Variants in DNAH9 observed in about 807,000 individuals in gnomAD.
The protein encoded by DNAH9 is dynein axonemal heavy chain 9, also known as DNAH9 variant protein.
DNAH9 carries 345 observed loss-of-function variants against 471.6 expected under a neutral mutation model. That is an observed-to-expected ratio of 0.73 (90% CI 0.67 to 0.80). The LOEUF (loss-of-function observed/expected upper bound fraction) is 0.80. Among genes scored for constraint, DNAH9 ranks in the 30% least tolerant of loss-of-function variants. The probability of loss-of-function intolerance (pLI) is 0.00; values close to 1 mark genes in which losing one functional copy is unlikely to be tolerated. For synonymous variants in DNAH9, 2,093 were observed against 2,123.6 expected, an observed-to-expected ratio of 0.99 and a Z score of 0.40; for missense variants, 5,407 against 5,609.2, an observed-to-expected ratio of 0.96 and a Z score of 1.15.
At chr17:11,748,653 C>T (rs1967005593) in intron 32 of DNAH9, among the ~76,000 whole-genome samples, 1 of 152,132 alleles carries the variant, frequency 6.6e-6, no homozygotes, top group African/African-American at 2.4e-5. Context: ...TTCAGAGGCC[C>T]CCAACCCTGG....
intron 15 of DNAH9, among the ~76,000 whole-genome samples, chr17:11,668,261 G>A (rs2073908356): frequency 6.6e-6 from 1 of 152,228 alleles, no homozygotes; most frequent in Non-Finnish European, 1.5e-5. Context: ...TGTGGTTCAT[G>A]TCTGTACATC....
chr17:11,969,646 T>A lies in DNAH9; in HGVS notation c.*119T>A. The A allele has an allele frequency of 1.2e-6, 1 of 814,472 alleles. No homozygotes were observed. 50.5% of individuals were successfully genotyped at this position (814,472 alleles called of 1,614,324 possible). On this transcript the variant is annotated 3_prime_UTR_variant, in exon 69 of 69. Transcript: ENST00000262442. ...GGTAAGAAACCATGAGCACTCACAA[T>A]TCTGTAGAATTCCTCTAGGGAACTT... is the stretch of plus-strand genomic sequence containing the variant.
At chr17:11,749,094 T>G (rs1386459519) in intron 32 of DNAH9, among the ~76,000 whole-genome samples, 4 of 82,668 alleles carry the variant, frequency 4.8e-5, no homozygotes, top group Non-Finnish European at 9.4e-5. Flanking sequence ...TTGTTTTTTT[T>G]TTTTTTTTGA....
intron 6 of DNAH9, among the ~76,000 whole-genome samples, chr17:11,628,425 GGCTTGAGTTA>G (rs1480659707): frequency 6.6e-6 from 1 of 152,188 alleles, no homozygotes; most frequent in Non-Finnish European, 1.5e-5. Flanking sequence ...CTAAATCCCA[GGCTTGAGTTA>G]ACTGACTTAG....
chr17:11,814,390 C>T (rs1970022905), intron 45 of DNAH9, among the ~76,000 whole-genome samples: 1 of 152,178 alleles, frequency 6.6e-6, no homozygotes, highest in Non-Finnish European at 1.5e-5. Flanking sequence ...TTCTTCCACC[C>T]CTAGCTATGA....
intron 67 of DNAH9, among the ~76,000 whole-genome samples, chr17:11,947,572 G>T (rs934889695): frequency 1.1e-4 from 17 of 151,938 alleles, no homozygotes; most frequent in Non-Finnish European, 2.2e-4. Context: ...ATATTGAAAT[G>T]ATGTTTGGTA....
chr17:11,906,520 G>A (rs11651923), intron 61 of DNAH9, among the ~76,000 whole-genome samples: 15,783 of 151,752 alleles, frequency 0.1, 1,000 homozygotes, highest in East Asian at 0.2. Context: ...CCAGCTACTC[G>A]GGAAGCTGAG....
chr17:11,742,362 A>G (rs2075445516), intron 30 of DNAH9, 49 bp downstream of exon 30: 1 of 1,583,110 alleles, frequency 6.3e-7, no homozygotes, highest in East Asian at 2.2e-5. Context: ...CAACAGCCCC[A>G]GCTCTGGAAA....
rs752760730 is a variant in DNAH9 at position 11,689,547 on chromosome 17, AAC to A, written c.3744-14_3744-13del. Reference sequence around the variant, plus strand: ...CCCCTGCGTGCCATACTTACAAAGGAACACACTGTGTTTTGTAGGTTTGATAG... The same window carrying A: ...CCCCTGCGTGCCATACTTACAAAGGAACACTGTGTTTTGTAGGTTTGATAG... On this transcript the variant is annotated splice_polypyrimidine_tract_variant and intron_variant, in intron 19 of 68. Coordinates refer to ENST00000262442, the MANE Select transcript of DNAH9 (RefSeq NM_001372.4). The A allele has an allele frequency of 5.6e-6, 9 of 1,596,120 alleles. No individual in the cohort carries two copies. In the East Asian group the frequency reaches 2.0e-4, roughly 36 times the overall value.
At chr17:11,963,457 G>A (rs1013638478) in intron 68 of DNAH9, among the ~76,000 whole-genome samples, 6 of 151,434 alleles carry the variant, frequency 4.0e-5, no homozygotes, top group Admixed American at 6.6e-5. Flanking sequence ...AGAAGACAAC[G>A]ACCACATAGA....
At chr17:11,927,046 A>G (rs923668524) in intron 62 of DNAH9, among the ~76,000 whole-genome samples, 12 of 152,188 alleles carry the variant, frequency 7.9e-5, no homozygotes, top group African/African-American at 2.7e-4. Context: ...GTTGGCCACA[A>G]TGAATATCTT....
At chr17:11,685,356 G>A (rs2150747143) in intron 19 of DNAH9, among the ~76,000 whole-genome samples, 1 of 152,356 alleles carries the variant, frequency 6.6e-6, no homozygotes, top group South Asian at 2.1e-4. Context: ...CTGCATGTGT[G>A]TATGGCTGGG....
At position 11,937,447 on chromosome 17, in the gene DNAH9, C is replaced by G. The variant is rs1205119268; in HGVS notation, c.12585C>G (p.Leu4195=). The change falls in exon 66 of 69, where the codon CTC becomes CTG. Residue 4195 remains leucine (L), a synonymous_variant. Coordinates refer to ENST00000262442, the MANE Select transcript of DNAH9 (RefSeq NM_001372.4). This position sits in a 1 kb window ranked among gnomAD's most constrained non-coding sequence, Gnocchi z 4.1. ...TCCTGACCCAAACCTCAGAAAAGCT[C>G]TTCCGCACTGTGCTGGAGCTGCAGC... is the stretch of plus-strand genomic sequence containing the variant. ...IGFLTQTSEK[L]FRTVLELQPR... is the part of the protein sequence containing the mutation. 6.2e-7 allele frequency: 1 copy of G among 1,614,140 alleles called. No individual in the cohort carries two copies. Among genetic ancestry groups the G allele is most frequent in the Non-Finnish European group, 8.5e-7 (1 of 1,179,984 alleles).
intron 11 of DNAH9, among the ~76,000 whole-genome samples, chr17:11,645,116 A>T (rs2073355979): frequency 6.6e-6 from 1 of 152,212 alleles, no homozygotes; most frequent in African/African-American, 2.4e-5. Context: ...ATTTTATATG[A>T]CTTCAAAGTT....
chr17:11,853,937 C>T, intron 49 of DNAH9, 66 bp from the exon 50 acceptor site: 1 of 1,490,118 alleles, frequency 6.7e-7, no homozygotes, highest in Non-Finnish European at 9.2e-7. Flanking sequence ...AACCTAACTC[C>T]ATCAGTGGCA....
At chr17:11,631,827 T>A (rs2073073900) in intron 7 of DNAH9, among the ~76,000 whole-genome samples, 1 of 152,142 alleles carries the variant, frequency 6.6e-6, no homozygotes, top group African/African-American at 2.4e-5. Flanking sequence ...ACCCTTTTTT[T>A]TTCACACACA....
At chr17:11,919,461 C>T (rs1413305355) in intron 61 of DNAH9, among the ~76,000 whole-genome samples, 2 of 142,782 alleles carry the variant, frequency 1.4e-5, no homozygotes, top group Non-Finnish European at 3.0e-5. Context: ...TGCCACTGCA[C>T]TCCAGCCTGG....
intron 45 of DNAH9, among the ~76,000 whole-genome samples, chr17:11,819,308 A>T (rs988018054): frequency 6.6e-6 from 1 of 152,218 alleles, no homozygotes; most frequent in Non-Finnish European, 1.5e-5. Flanking sequence ...CAGTTTCAAT[A>T]AGAAATCAAA....
At chr17:11,612,177 G>T in intron 4 of DNAH9, 1 of 452,564 alleles carries the variant, frequency 2.2e-6, no homozygotes, top group South Asian at 2.7e-5. Context: ...ATACAGTTCT[G>T]GGGTGGCCAT....
Sources: allele counts gnomAD v4.1 joint callset (sites outside exome capture counted in the v4.1 genomes callset), GRCh38; gene constraint gnomAD v4.1.1; non-coding constraint Gnocchi (gnomAD v3.1); transcripts MANE v1.5; gene names NCBI Gene and HGNC (gene_info 2026-07-23, HGNC 2026-07-21).